STX2: variants seen among roughly 807,000 people sequenced by gnomAD.
STX2 encodes the protein syntaxin 2, also known as syntaxin-2.
Under a neutral mutation model 40.6 loss-of-function variants are expected in STX2, and 27 were observed. That is an observed-to-expected ratio of 0.66 (90% confidence interval 0.49 to 0.92). The LOEUF is 0.92. STX2 is among the 40% of genes least tolerant of loss of function. The pLI is 0.00. For missense variants in STX2, 328 were observed against 366.1 expected, an observed-to-expected ratio of 0.90 and a Z score of 0.85; for synonymous variants, 123 against 119.1, an observed-to-expected ratio of 1.03 and a Z score of -0.22.
chr12:130,814,322 G>A (rs1951774339), intron 3 of STX2, among the ~76,000 whole-genome samples: 1 of 152,176 alleles, frequency 6.6e-6, no homozygotes, highest in Non-Finnish European at 1.5e-5. Context: ...CAACGGACGA[G>A]ACAGGGTTCA....
chr12:130,817,527 A>G (rs1423679346), intron 3 of STX2, among the ~76,000 whole-genome samples: 1 of 152,234 alleles, frequency 6.6e-6, no homozygotes, highest in East Asian at 1.9e-4. Flanking sequence ...AAAACGGAGC[A>G]AGGATGCTAC....
intron 10 of STX2, among the ~76,000 whole-genome samples, chr12:130,792,209 C>A (rs1205639803): frequency 6.6e-6 from 1 of 151,972 alleles, no homozygotes. Context: ...TACAGGAACC[C>A]GCCACCACGC....
intron 10 of STX2, among the ~76,000 whole-genome samples, chr12:130,792,299 T>C (rs1245588623): frequency 6.6e-6 from 1 of 152,170 alleles, no homozygotes; most frequent in African/African-American, 2.4e-5. Flanking sequence ...GACTTCGTGA[T>C]CCACCCGCCT....
At chr12:130,829,545 CCA>C (rs1952476993) in intron 1 of STX2, among the ~76,000 whole-genome samples, 1 of 151,244 alleles carries the variant, frequency 6.6e-6, no homozygotes, top group Non-Finnish European at 1.5e-5. Flanking sequence ...TGGCCAGGTC[CCA>C]CAGACTCCCC....
At chr12:130,833,312 G>A (rs1952642134) in intron 1 of STX2, among the ~76,000 whole-genome samples, 1 of 151,762 alleles carries the variant, frequency 6.6e-6, no homozygotes, top group Non-Finnish European at 1.5e-5. Flanking sequence ...ACGACACAAG[G>A]ACAGGAAGGA....
rs57853266 is a variant in STX2, at chr12:130,799,813, CAAAA to C, written c.676-1182_676-1179del. On this transcript the variant is annotated intron_variant, in intron 8 of 10. Transcript: ENST00000392373. ...TGGGCAACAGAGCAAGACCCTGTCT[CAAAA>C]AAAAAAAAAAAAATAGGCATGGTGC... Among the ~76,000 whole-genome samples, 1,323 of 137,116 alleles carry C rather than the reference CAAAA, an allele frequency of 9.6e-3. 17 individuals carry two copies. The highest frequency in any genetic ancestry group is 0.033 in the African/African-American group (1,252 of 37,704). The allele number at this position is 137,116 out of a possible 152,430, so 90.0% of individuals were successfully genotyped here.
intron 3 of STX2, among the ~76,000 whole-genome samples, chr12:130,816,636 T>G (rs1183422685): frequency 6.6e-6 from 1 of 152,164 alleles, no homozygotes; most frequent in Non-Finnish European, 1.5e-5. Flanking sequence ...TTTCTAAATC[T>G]GTGTAAAGCC....
At chr12:130,833,359 T>A (rs1392778270) in intron 1 of STX2, among the ~76,000 whole-genome samples, 1 of 151,114 alleles carries the variant, frequency 6.6e-6, no homozygotes, top group Admixed American at 6.6e-5. Context: ...CCATCCCTCA[T>A]GAGGGCTGAT....
At chr12:130,808,923 G>A (rs1951542651) in intron 4 of STX2, among the ~76,000 whole-genome samples, 1 of 152,208 alleles carries the variant, frequency 6.6e-6, no homozygotes, top group Admixed American at 6.5e-5. Flanking sequence ...CTGCAGTGCA[G>A]GGGCACAATC....
intron 4 of STX2, among the ~76,000 whole-genome samples, chr12:130,811,830 G>A (rs1331157600): frequency 4.6e-5 from 7 of 152,128 alleles, no homozygotes; most frequent in Non-Finnish European, 1.0e-4. Flanking sequence ...GTGAGCCACC[G>A]TGCCAGGCCA....
At chr12:130,828,085 T>G (rs964285290) in intron 1 of STX2, among the ~76,000 whole-genome samples, 1 of 152,178 alleles carries the variant, frequency 6.6e-6, no homozygotes, top group Non-Finnish European at 1.5e-5. Context: ...GAAATAGAGA[T>G]AGTATTGTCC....
chr12:130,811,536 CT>C (rs71088788), intron 4 of STX2, among the ~76,000 whole-genome samples: 161 of 95,540 alleles, frequency 1.7e-3, no homozygotes, highest in African/African-American at 4.8e-3. Context: ...CCATTAACAT[CT>C]TTTTTTTTTT....
At chr12:130,819,135 C>A (rs1305496875) in intron 3 of STX2, among the ~76,000 whole-genome samples, 1 of 152,206 alleles carries the variant, frequency 6.6e-6, no homozygotes, top group East Asian at 1.9e-4. Flanking sequence ...CCAGGACCGG[C>A]TGCCTCTGGC....
chr12:130,834,680 C>A (rs939784742), intron 1 of STX2, among the ~76,000 whole-genome samples: 1 of 152,038 alleles, frequency 6.6e-6, no homozygotes, highest in East Asian at 1.9e-4. Context: ...ATGAGTAAAC[C>A]TATTATAATT....
At chr12:130,832,825 C>T (rs968153756) in intron 1 of STX2, among the ~76,000 whole-genome samples, 7 of 152,184 alleles carry the variant, frequency 4.6e-5, no homozygotes, top group Admixed American at 2.0e-4. Context: ...TGCATGACTT[C>T]GTTCCCAACT....
intron 1 of STX2, among the ~76,000 whole-genome samples, chr12:130,830,464 C>T (rs1414355087): frequency 1.3e-5 from 2 of 152,186 alleles, no homozygotes; most frequent in Non-Finnish European, 2.9e-5. Flanking sequence ...ACCCACGGCA[C>T]GGGCGGATTT....
intron 6 of STX2, among the ~76,000 whole-genome samples, chr12:130,805,304 T>C (rs141895385): frequency 3.9e-5 from 6 of 152,216 alleles, no homozygotes; most frequent in Non-Finnish European, 8.8e-5. Flanking sequence ...ACACTGAGCA[T>C]CAGGCCACAC....
chr12:130,822,805 C>T (rs1019781052), intron 2 of STX2, among the ~76,000 whole-genome samples: 4 of 152,278 alleles, frequency 2.6e-5, no homozygotes, highest in African/African-American at 9.6e-5. Context: ...AAAAATCAGA[C>T]CTTGGTGATG....
chr12:130,829,828 T>C (rs1483003818), intron 1 of STX2, among the ~76,000 whole-genome samples: 1 of 151,332 alleles, frequency 6.6e-6, no homozygotes, highest in Non-Finnish European at 1.5e-5. Flanking sequence ...CAAATACCCA[T>C]GGAGGGGGTG....
Sources: allele counts gnomAD v4.1 joint callset (sites outside exome capture counted in the v4.1 genomes callset), GRCh38; gene constraint gnomAD v4.1.1; transcripts MANE v1.5; gene names NCBI Gene and HGNC (gene_info 2026-07-23, HGNC 2026-07-21).